The following TLR10 variants were observed in gnomAD, a reference collection of about 807,000 sequenced individuals.
TLR10 encodes toll-like receptor 10.
For synonymous variants in TLR10, 288 were observed against 338.8 expected (o/e 0.85, Z 1.65); for missense variants, 929 against 932.9 (o/e 1.00, Z 0.05).
In TLR10 at chr4:38,772,454, G is replaced by C. The variant is rs1011028120; in HGVS notation, c.*701C>G. On this transcript the variant is annotated 3_prime_UTR_variant, in exon 4 of 4. Coordinates refer to ENST00000308973, the MANE Select transcript of TLR10 (RefSeq NM_030956.4). ...AATGGCAAAAACCACAATTAGTTTTGCACCAACCTAATAGTTTATAACATA... is the reference window on the plus strand; with the variant it reads ...AATGGCAAAAACCACAATTAGTTTTCCACCAACCTAATAGTTTATAACATA... The C allele has an allele frequency of 6.6e-6, 1 of 151,842 alleles. No homozygotes were observed. The highest frequency in any genetic ancestry group is 2.4e-5 in the African/African-American group (1 of 41,310). 9.4% of individuals were successfully genotyped at this position (151,842 alleles called of 1,614,324 possible). A position where few individuals can be genotyped will look rare whatever the true frequency, so the allele number is the denominator to read the frequency against.
At chr4:38,778,429 A>AAAATAAATAAATAAATAAATAAAT (rs140633479) in intron 1 of TLR10, among the ~76,000 whole-genome samples, 9 of 149,020 alleles carry the variant, frequency 6.0e-5, no homozygotes, top group Admixed American at 2.0e-4. Flanking sequence ...CTTACAGTAT[A>AAAATAAATAAATAAATAAATAAAT]AAATAAATAA....
Position 38,775,178 on chromosome 4 carries a change from G to T in TLR10, c.413C>A (p.Ala138Asp), listed in dbSNP as rs980337294. ...GATTTCCAGGTGTGACATGTTGCCA[G>T]CTTCCTCACAGATAGGCATGGTGTC... ...DFDTMPICEE[A>D]GNMSHLEILG... The change falls in exon 4 of 4, where the codon GCT becomes GAT. Residue 138 changes from alanine (A) to aspartate (D), a missense_variant. Transcript: ENST00000308973. 6.2e-7 allele frequency: 1 copy of T among 1,613,630 alleles called. No individual in the cohort carries two copies. Among genetic ancestry groups the T allele is most frequent in the Admixed American group, 1.7e-5 (1 of 59,922 alleles).
At chr4:38,776,599 G>A (rs917512804) in intron 1 of TLR10, among the ~76,000 whole-genome samples, 173 bp from the exon 2 acceptor site, 1 of 152,218 alleles carries the variant, frequency 6.6e-6, no homozygotes, top group Non-Finnish European at 1.5e-5. Flanking sequence ...TGAGGACTTT[G>A]GGAGATGTGC....
At chr4:38,779,753 C>T (rs1035272475) in intron 1 of TLR10, among the ~76,000 whole-genome samples, 4 of 152,064 alleles carry the variant, frequency 2.6e-5, no homozygotes, top group Non-Finnish European at 5.9e-5. Context: ...AATTTCCATG[C>T]CACTAGATGC....
At chr4:38,780,720 A>G (rs1055400610) in intron 1 of TLR10, among the ~76,000 whole-genome samples, 1 of 152,222 alleles carries the variant, frequency 6.6e-6, no homozygotes, top group African/African-American at 2.4e-5. Context: ...TACATGAAAT[A>G]TTTTTAAAAA....
Position 38,774,015 on chromosome 4 carries a change from A to C in TLR10, c.1576T>G (p.Cys526Gly), listed in dbSNP as rs1456108583. The C allele has an allele frequency of 1.9e-6, 3 of 1,605,428 alleles. No individual in the cohort carries two copies. In the Admixed American group the frequency reaches 5.1e-5, roughly 27 times the overall value. Residue 526 changes from cysteine to glycine, a missense_variant, in exon 4 of 4, where the codon TGT becomes GGT. Physicochemically the swap from Cys to Gly is radical, Grantham distance 159 (BLOSUM62 -3). Transcript: ENST00000308973. The stretch of plus-strand genomic sequence containing the variant: ...ATGAAATTTTTTAATTCACAGGTAC[A>C]CCGGAATGGATTTCTTCCCGCATTT... The part of the protein sequence containing the change: ...TLNAGRNPFR[C>G]TCELKNFIQL...
At position 38,774,321 on chromosome 4, in the gene TLR10, C is replaced by T; in HGVS notation, c.1270G>A (p.Val424Ile). ...DENCSWPETV[V>I]NMNLSYNKLS... ...TTATTGTATGACAGATTCATATTGA[C>T]CACAGTTTCTGGCCATGAGCAATTT... The change falls in exon 4 of 4, where the codon GTC becomes ATC. Residue 424 changes from valine (V) to isoleucine (I), a missense_variant. Coordinates refer to ENST00000308973, the MANE Select transcript of TLR10 (RefSeq NM_030956.4). 4 of 1,610,876 alleles carry T rather than the reference C, an allele frequency of 2.5e-6. No individual in the cohort carries two copies. Among genetic ancestry groups the T allele is most frequent in the Non-Finnish European group, 2.5e-6 (3 of 1,178,954 alleles).
In TLR10 at chr4:38,774,589, T is replaced by C; in HGVS notation, c.1002A>G (p.Ser334=). The C allele has an allele frequency of 6.3e-7, 1 of 1,595,146 alleles. No homozygotes were observed. Among genetic ancestry groups the C allele is most frequent in the South Asian group, 1.2e-5 (1 of 86,878 alleles). The change falls in exon 4 of 4, where the codon TCA becomes TCG. Residue 334 remains serine, a synonymous_variant. Coordinates refer to ENST00000308973, the MANE Select transcript of TLR10 (RefSeq NM_030956.4). ...TKMDIENLTI[S]NAQMPHMLFP... ...AAAGCATGTGTGGCATTTGTGCATT[T>C]GATATTGTCAGGTTTTCTATGTCCA... is the stretch of plus-strand genomic sequence containing the variant.
At position 38,774,414 on chromosome 4, in the gene TLR10, A is replaced by C; in HGVS notation, c.1177T>G (p.Phe393Val). Reference sequence around the variant, plus strand: ...TGTTCCAAGGGTGTGTTGTTAGCAAAGCAACTTACTAAAGAAAGTGTCTCC... The same window carrying C: ...TGTTCCAAGGGTGTGTTGTTAGCAACGCAACTTACTAAAGAAAGTGTCTCC... Reference protein sequence around the residue: ...KLETLSLVSCFANNTPLEHLD... With the variant: ...KLETLSLVSCVANNTPLEHLD... The change falls in exon 4 of 4, where the codon TTT (phenylalanine) becomes GTT (valine). Residue 393 changes from phenylalanine to valine, a missense_variant. Phe to Val is a conservative substitution (Grantham distance 50). Transcript: ENST00000308973. 6.2e-7 allele frequency: 1 copy of C among 1,613,344 alleles called. No individual in the cohort carries two copies. Among genetic ancestry groups the C allele is most frequent in the Non-Finnish European group, 8.5e-7 (1 of 1,179,804 alleles).
At position 38,773,285 on chromosome 4, in the gene TLR10, G is replaced by T. The variant is rs758548030; in HGVS notation, c.2306C>A (p.Ala769Glu). 2 of 1,612,298 alleles carry T rather than the reference G, an allele frequency of 1.2e-6. No homozygotes were observed. The highest frequency in any genetic ancestry group is 2.2e-5 in the South Asian group (2 of 90,624). The change falls in exon 4 of 4, where the codon GCA becomes GAA. Residue 769 changes from alanine (A) to glutamate (E), a missense_variant. Physicochemically the swap from Ala to Glu is moderately radical, Grantham distance 107 (BLOSUM62 -1). Transcript: ENST00000308973. ...KDRRKCGLFWANLRAAINVNV... is the reference protein window; with the variant it reads ...KDRRKCGLFWENLRAAINVNV... ...AACATTAATAGCAGCTCGAAGGTTT[G>T]CCCAGAAAAGCCCACATTTACGCCT...
At chr4:38,777,470 A>G (rs9999985) in intron 1 of TLR10, among the ~76,000 whole-genome samples, 14,458 of 152,154 alleles carry the variant, frequency 0.095, 1,177 homozygotes, top group African/African-American at 0.2. Flanking sequence ...GAGTCCAGGA[A>G]TGACAGGTTC....
rs1724960414 is a variant in TLR10, at chr4:38,775,110, T to C, written c.481A>G (p.Lys161Glu). 6.2e-7 allele frequency: 1 copy of C among 1,613,234 alleles called. No homozygotes were observed. Among genetic ancestry groups the C allele is most frequent in the Non-Finnish European group, 8.5e-7 (1 of 1,180,026 alleles). Reference sequence around the variant, plus strand: ...GTATTTAGATGCAGATGAGCAATTTTCTGGAAATCTGATTTTTGTATTTTT... The same window carrying C: ...GTATTTAGATGCAGATGAGCAATTTCCTGGAAATCTGATTTTTGTATTTTT... ...GAKIQKSDFQ[K>E]IAHLHLNTVF... The change falls in exon 4 of 4, where the codon AAA becomes GAA. Residue 161 changes from lysine (K) to glutamate (E), a missense_variant. By Grantham distance (56) the Lys-to-Glu change is moderately conservative. Transcript: ENST00000308973.
At position 38,773,860 on chromosome 4, in the gene TLR10, A is replaced by G; in HGVS notation, c.1731T>C (p.Ala577=). 6.3e-7 allele frequency: 1 copy of G among 1,591,638 alleles called. No individual in the cohort carries two copies. Among genetic ancestry groups the G allele is most frequent in the Non-Finnish European group, 8.5e-7 (1 of 1,170,076 alleles). The change falls in exon 4 of 4, where the codon GCT becomes GCC. Residue 577 remains alanine, a synonymous_variant. Coordinates refer to ENST00000308973, the MANE Select transcript of TLR10 (RefSeq NM_030956.4). ...VHLHELSCNT[A]LLIVTIVVIM... is the part of the protein sequence containing the mutation. The stretch of plus-strand genomic sequence containing the variant: ...TAACCACAATGGTGACAATCAACAG[A>G]GCTGTGTTGCAAGATAATTCGTGGA...
At position 38,773,799 on chromosome 4, in the gene TLR10, A is replaced by T; in HGVS notation, c.1792T>A (p.Cys598Ser). The T allele has an allele frequency of 6.3e-7, 1 of 1,599,184 alleles. No individual in the cohort carries two copies. The highest frequency in any genetic ancestry group is 8.5e-7 in the Non-Finnish European group (1 of 1,173,594). ...TACCAGGGCAGATCAAAGTGGAGAC[A>T]GCAGAAGGCCACAGCCAACCCCAGA... ...LVLGLAVAFCCLHFDLPWYLR... is the reference protein window; with the variant it reads ...LVLGLAVAFCSLHFDLPWYLR... The change falls in exon 4 of 4, where the codon TGT becomes AGT. Residue 598 changes from cysteine (C) to serine (S), a missense_variant. By Grantham distance (112) the Cys-to-Ser change is moderately radical. Transcript: ENST00000308973.
intron 1 of TLR10, among the ~76,000 whole-genome samples, chr4:38,778,249 T>C (rs182638406): frequency 3.0e-4 from 45 of 151,886 alleles, no homozygotes; most frequent in African/African-American, 1.1e-3. Flanking sequence ...AGTTGAACAA[T>C]GAGAACACAT....
At position 38,775,311 on chromosome 4, in the gene TLR10, A is replaced by G. The variant is rs747359371; in HGVS notation, c.280T>C (p.Phe94Leu). 1.9e-6 allele frequency: 3 copies of G among 1,614,120 alleles called. No individual in the cohort carries two copies. In the Admixed American group the frequency reaches 5.0e-5, roughly 27 times the overall value. The change falls in exon 4 of 4, where the codon TTC becomes CTC. Residue 94 changes from phenylalanine (F) to leucine (L), a missense_variant. Coordinates refer to ENST00000308973, the MANE Select transcript of TLR10 (RefSeq NM_030956.4). ...TCTAAATATCTTAACTCCTTGTTGA[A>G]TTCAAAGGTTTTGAGATCCAGCTGT... ...IQQLDLKTFE[F>L]NKELRYLDLS...
intron 1 of TLR10, among the ~76,000 whole-genome samples, chr4:38,781,912 C>T (rs1039738294): frequency 6.6e-6 from 1 of 152,112 alleles, no homozygotes; most frequent in African/African-American, 2.4e-5. Context: ...AAAATGGCGG[C>T]CATTATTATT....
chr4:38,774,536 T>TTTTGGAATTTGA lies in TLR10; in HGVS notation c.1054_1055insTCAAATTCCAAA (p.Tyr352delinsPheLysPheGlnAsn). ...TAAGATATTATTGGCAAAATTTAAA[T>TTTTGGAATTTGA]ATTGGAATTTCGTAGGATAATTCGG... is the stretch of plus-strand genomic sequence containing the variant. On this transcript the variant is annotated protein_altering_variant, in exon 4 of 4. Transcript: ENST00000308973. The TTTTGGAATTTGA allele has an allele frequency of 6.3e-7, 1 of 1,586,150 alleles. No homozygotes were observed. The highest frequency in any genetic ancestry group is 8.5e-7 in the Non-Finnish European group (1 of 1,169,804).
At chr4:38,781,670 C>T (rs115397667) in intron 1 of TLR10, among the ~76,000 whole-genome samples, 4,973 of 152,232 alleles carry the variant, frequency 0.033, 104 homozygotes, top group African/African-American at 0.047. Context: ...AAGTCCAAGT[C>T]AAAAGACATC....
Sources: gnomAD v4.1 joint callset for allele counts (sites outside exome capture counted in the v4.1 genomes callset) on GRCh38, gnomAD v4.1.1 for gene constraint, MANE v1.5 for transcripts, NCBI Gene and HGNC (gene_info 2026-07-23, HGNC 2026-07-21) for gene names.